Variants in CARD14 observed in about 807,000 individuals in gnomAD.
CARD14 encodes the protein caspase recruitment domain-containing protein 14.
Under a neutral mutation model 111.5 loss-of-function variants are expected in CARD14, and 107 were observed. The observed-to-expected ratio is 0.96, with a 90% CI of 0.82 to 1.13. The LOEUF is 1.13. Among genes scored for constraint, CARD14 ranks in the 50% most tolerant of loss-of-function variants. The pLI is 0.00. For synonymous variants in CARD14, 617 were observed against 579.6 expected, an observed-to-expected ratio of 1.06 and a Z score of -0.93; for missense variants, 1,322 against 1,362.3, an observed-to-expected ratio of 0.97 and a Z score of 0.47.
rs551305589 is a variant in CARD14 at position 80,202,059 on chromosome 17, T to G, written c.1979-121T>G. 2.3e-5 allele frequency: 28 copies of G among 1,209,928 alleles called. No homozygotes were observed. The South Asian group carries it at 3.8e-4, about 16-fold the overall frequency. 74.9% of individuals were successfully genotyped at this position (1,209,928 alleles called of 1,614,324 possible). On this transcript the variant is annotated intron_variant, in intron 17 of 23. Coordinates refer to ENST00000648509, the MANE Select transcript of CARD14 (RefSeq NM_001366385.1). ...GAAACCTCCCACCCACTGACTCCAGTGCCAGAGCAGCTTCTGAGACTGGGA... is the reference window on the plus strand; with the variant it reads ...GAAACCTCCCACCCACTGACTCCAGGGCCAGAGCAGCTTCTGAGACTGGGA...
At position 80,189,414 on chromosome 17, in the gene CARD14, T is replaced by A. The variant is rs994371216; in HGVS notation, c.844-339T>A. 6.6e-6 allele frequency among the ~76,000 whole-genome samples: 1 copy of A among 152,146 alleles called. No individual in the cohort carries two copies. Among genetic ancestry groups the A allele is most frequent in the African/African-American group, 2.4e-5 (1 of 41,436 alleles). On this transcript the variant is annotated intron_variant, in intron 8 of 23. Coordinates refer to ENST00000648509, the MANE Select transcript of CARD14 (RefSeq NM_001366385.1). This position sits in a 1 kb window ranked among gnomAD's most constrained non-coding sequence, Gnocchi z 4.7. ...TGTTTATAAGCTCCTTCCTGGGAAG[T>A]GAGTGTCAGAGGGGAATGACCTGTC...
At position 80,208,378 on chromosome 17, in the gene CARD14, T is replaced by C; in HGVS notation, c.*33T>C. On this transcript the variant is annotated 3_prime_UTR_variant, in exon 24 of 24. Transcript: ENST00000648509. ...TGCCCCTTCCCGGGACTGTGGGGGC[T>C]TCTGTGTGCCTGTTAATGCAGTCCT... 2.0e-6 allele frequency: 3 copies of C among 1,526,738 alleles called. No individual in the cohort carries two copies. The highest frequency in any genetic ancestry group is 1.2e-5 in the South Asian group (1 of 82,576). The allele number at this position is 1,526,738 out of a possible 1,614,324, so 94.6% of individuals were successfully genotyped here. A position where few individuals can be genotyped will look rare whatever the true frequency, so the allele number is the denominator to read the frequency against.
Position 80,201,422 on chromosome 17 carries a change from T to C in CARD14, c.1852-322T>C, listed in dbSNP as rs932821108. On this transcript the variant is annotated intron_variant, in intron 16 of 23. Coordinates refer to ENST00000648509, the MANE Select transcript of CARD14 (RefSeq NM_001366385.1). This position sits in a 1 kb window ranked among gnomAD's most constrained non-coding sequence, Gnocchi z 5.0. ...AACCTCTATCTAGAATGCTCTTGAATGTTCTAGAACCGAGGTTCTTTCTTT... is the reference window on the plus strand; with the variant it reads ...AACCTCTATCTAGAATGCTCTTGAACGTTCTAGAACCGAGGTTCTTTCTTT... 9 of 319,296 alleles carry C rather than the reference T, an allele frequency of 2.8e-5. No homozygotes were observed. The highest frequency in any genetic ancestry group is 1.8e-4 in the African/African-American group (8 of 44,560). The allele number at this position is 319,296 out of a possible 1,614,324, so 19.8% of individuals were successfully genotyped here.
chr17:80,187,901 C>T (rs2040397708), intron 7 of CARD14: 8 of 985,604 alleles, frequency 8.1e-6, no homozygotes, highest in Middle Eastern at 5.2e-4. Context: ...GCTGTCTGAA[C>T]AGCCCCGGTC....
At chr17:80,184,360 C>G (rs770551405) in intron 7 of CARD14, 122 bp downstream of exon 7, 5 of 899,896 alleles carry the variant, frequency 5.6e-6, no homozygotes, top group East Asian at 3.0e-5. Context: ...TTCCCTGCCC[C>G]GAGAGCCTTG....
Position 80,195,386 on chromosome 17 carries a change from G to T in CARD14, c.1499+53G>T. 1 of 1,573,340 alleles carries T rather than the reference G, an allele frequency of 6.4e-7. No individual in the cohort carries two copies. Among genetic ancestry groups the T allele is most frequent in the Admixed American group, 1.8e-5 (1 of 56,186 alleles). On this transcript the variant is annotated intron_variant, in intron 13 of 23. Transcript: ENST00000648509. The surrounding 1 kb of genome is among the most constrained non-coding windows in gnomAD (Gnocchi z 4.7). The stretch of plus-strand genomic sequence containing the variant: ...TGGGGTGGCACTGGGGTCCTTCCTG[G>T]CAACTCACCAGAGACACCAACCTAG...
rs371741250 is a variant in CARD14 at position 80,189,834 on chromosome 17, C to A, written c.925C>A (p.Arg309=). 112 of 1,587,664 alleles carry A rather than the reference C, an allele frequency of 7.1e-5. No homozygotes were observed. Among genetic ancestry groups the A allele is most frequent in the Non-Finnish European group, 8.9e-5 (104 of 1,171,150 alleles). The part of the protein sequence containing the change: ...QELVERIHSL[R]ERAVAAERQR... ...GCTGGTGGAGCGCATCCACTCGCTG[C>A]GGGAGCGGGCCGTGGCTGCCGAGAG... Residue 309 remains arginine (R), a synonymous_variant, in exon 9 of 24, where the codon CGG becomes AGG. Coordinates refer to ENST00000648509, the MANE Select transcript of CARD14 (RefSeq NM_001366385.1). The surrounding 1 kb of genome is among the most constrained non-coding windows in gnomAD (Gnocchi z 4.7).
intron 12 of CARD14, among the ~76,000 whole-genome samples, chr17:80,194,863 G>A (rs2040653237): frequency 6.6e-6 from 1 of 152,206 alleles, no homozygotes; most frequent in African/African-American, 2.4e-5. Context: ...CGAGATTTGA[G>A]TGGGAACACA....
intron 5 of CARD14, 38 bp downstream of exon 5, chr17:80,181,687 C>T (rs1289577464): frequency 6.6e-7 from 1 of 1,510,014 alleles, no homozygotes; most frequent in Non-Finnish European, 8.9e-7. Flanking sequence ...CTTCCAGCTT[C>T]CCGTGGCCCA....
chr17:80,205,612 G>A lies in CARD14; in HGVS notation c.2651G>A (p.Cys884Tyr). The change falls in exon 22 of 24, where the codon TGC (cysteine) becomes TAC (tyrosine). Residue 884 changes from cysteine (C) to tyrosine (Y), a missense_variant. By Grantham distance (194) the Cys-to-Tyr change is radical. Transcript: ENST00000648509. The part of the protein sequence containing the change: ...IQEGEVSGGR[C>Y]WVTRHAVESL... Reference sequence around the variant, plus strand: ...GAGGGAGAGGTGTCCGGGGGCCGCTGCTGGGTGACCCGCCATGCTGTGGAG... The same window carrying A: ...GAGGGAGAGGTGTCCGGGGGCCGCTACTGGGTGACCCGCCATGCTGTGGAG... 1 of 1,567,230 alleles carries A rather than the reference G, an allele frequency of 6.4e-7. No homozygotes were observed. Among genetic ancestry groups the A allele is most frequent in the Non-Finnish European group, 8.7e-7 (1 of 1,155,354 alleles).
At position 80,195,161 on chromosome 17, in the gene CARD14, C is replaced by T; in HGVS notation, c.1357-30C>T. On this transcript the variant is annotated intron_variant, in intron 12 of 23. Coordinates refer to ENST00000648509, the MANE Select transcript of CARD14 (RefSeq NM_001366385.1). This position sits in a 1 kb window ranked among gnomAD's most constrained non-coding sequence, Gnocchi z 4.7. ...GAGTCTCAGGGTGTCCTCGTGCGTG[C>T]CCCACTGACTTCTGCCCTCCCTCCT... 1.3e-6 allele frequency: 2 copies of T among 1,576,596 alleles called. No homozygotes were observed.
chr17:80,185,352 C>T (rs868100724), intron 7 of CARD14, among the ~76,000 whole-genome samples: 1 of 152,110 alleles, frequency 6.6e-6, no homozygotes, highest in Non-Finnish European at 1.5e-5. Context: ...CGCTGGCCAG[C>T]GCTTTGCCTT....
In CARD14 at chr17:80,205,114, G is replaced by A; in HGVS notation, c.2478G>A (p.Arg826=). The A allele has an allele frequency of 6.2e-7, 1 of 1,613,630 alleles. No individual in the cohort carries two copies. The highest frequency in any genetic ancestry group is 8.5e-7 in the Non-Finnish European group (1 of 1,179,902). Residue 826 remains arginine, a synonymous_variant, in exon 21 of 24, where the codon CGG becomes CGA. Coordinates refer to ENST00000648509, the MANE Select transcript of CARD14 (RefSeq NM_001366385.1). Reference sequence around the variant, plus strand: ...TGGTGCGGCCCCATCGACCCGCCCGGCCCCGGCCTGTGCTCCTCGTGCCCA... The same window carrying A: ...TGGTGCGGCCCCATCGACCCGCCCGACCCCGGCCTGTGCTCCTCGTGCCCA... The part of the protein sequence containing the change: ...YTLVRPHRPA[R]PRPVLLVPRA...
At position 80,198,230 on chromosome 17, in the gene CARD14, G is replaced by A. The variant is rs2040789504; in HGVS notation, c.1658+68G>A. On this transcript the variant is annotated intron_variant, in intron 15 of 23. Transcript: ENST00000648509. The surrounding 1 kb of genome is among the most constrained non-coding windows in gnomAD (Gnocchi z 7.5). ...AGGGCCAGGGAGTGGCAGAGCAGAGGGTGAGTGTCCTATTACCAATGGGAG... is the reference window on the plus strand; with the variant it reads ...AGGGCCAGGGAGTGGCAGAGCAGAGAGTGAGTGTCCTATTACCAATGGGAG... 1 of 1,589,058 alleles carries A rather than the reference G, an allele frequency of 6.3e-7. No homozygotes were observed. The highest frequency in any genetic ancestry group is 8.6e-7 in the Non-Finnish European group (1 of 1,158,648).
intron 1 of CARD14, among the ~76,000 whole-genome samples, chr17:80,171,278 CT>C (rs1406515611): frequency 6.8e-6 from 1 of 146,034 alleles, no homozygotes; most frequent in Non-Finnish European, 1.5e-5. Flanking sequence ...CTCTCTCTTT[CT>C]TTTCTTCTTT....
At position 80,188,095 on chromosome 17, in the gene CARD14, T is replaced by C. The variant is rs1264735880; in HGVS notation, c.676-282T>C. 1 of 547,094 alleles carries C rather than the reference T, an allele frequency of 1.8e-6. No individual in the cohort carries two copies. Among genetic ancestry groups the C allele is most frequent in the African/African-American group, 2.0e-5 (1 of 50,192 alleles). 33.9% of individuals were successfully genotyped at this position (547,094 alleles called of 1,614,324 possible). A position where few individuals can be genotyped will look rare whatever the true frequency, so the allele number is the denominator to read the frequency against. On this transcript the variant is annotated intron_variant, in intron 7 of 23. Transcript: ENST00000648509. The surrounding 1 kb of genome is among the most constrained non-coding windows in gnomAD (Gnocchi z 4.5). ...GCTGTAGAGATCCAGGAGTTGGTTATCAAGGCCTCTTGGTCTATTCCTGGG... is the reference window on the plus strand; with the variant it reads ...GCTGTAGAGATCCAGGAGTTGGTTACCAAGGCCTCTTGGTCTATTCCTGGG...
intron 20 of CARD14, 23 bp from the exon 21 acceptor site, chr17:80,205,012 C>T: frequency 6.5e-7 from 1 of 1,534,360 alleles, no homozygotes; most frequent in Admixed American, 1.9e-5. Flanking sequence ...CCTCACCCAC[C>T]CTCAGGATCC....
intron 12 of CARD14, among the ~76,000 whole-genome samples, chr17:80,194,920 C>T (rs929312102): frequency 4.6e-5 from 7 of 152,150 alleles, no homozygotes; most frequent in Non-Finnish European, 1.0e-4. Context: ...AGCAGTGCCA[C>T]CTTACAGATT....
In CARD14 at chr17:80,208,346, T is replaced by C; in HGVS notation, c.*1T>C. 6.3e-7 allele frequency: 1 copy of C among 1,591,112 alleles called. No homozygotes were observed. Among genetic ancestry groups the C allele is most frequent in the Middle Eastern group, 1.7e-4 (1 of 6,000 alleles). Reference sequence around the variant, plus strand: ...GTGGACGGAGCAGAGCCCCCGATGATGCACCGTGCCCCTTCCCGGGACTGT... The same window carrying C: ...GTGGACGGAGCAGAGCCCCCGATGACGCACCGTGCCCCTTCCCGGGACTGT... On this transcript the variant is annotated 3_prime_UTR_variant, in exon 24 of 24. Transcript: ENST00000648509.
Sources: gnomAD v4.1 joint callset for allele counts (sites outside exome capture counted in the v4.1 genomes callset) on GRCh38, gnomAD v4.1.1 for gene constraint, Gnocchi (gnomAD v3.1) non-coding constraint, MANE v1.5 for transcripts, NCBI Gene and HGNC (gene_info 2026-07-23, HGNC 2026-07-21) for gene names.